The following FGD5 variants were observed in gnomAD, a reference collection of about 807,000 sequenced individuals.
FGD5 encodes the protein FYVE, RhoGEF and PH domain containing 5, also known as FYVE, RhoGEF and PH domain-containing protein 5.
A neutral mutation model predicts 133.4 loss-of-function variants in FGD5; 28 were observed. The observed-to-expected ratio is 0.21, with a 90% confidence interval of 0.16 to 0.29. The LOEUF (loss-of-function observed/expected upper bound fraction) is 0.29, where lower values mean the gene tolerates loss of function less well. Among genes scored for constraint, FGD5 ranks in the 10% least tolerant of loss-of-function variants. FGD5 has a pLI of 1.00. For missense variants in FGD5, 1,858 were observed against 1,895.2 expected (o/e 0.98, Z 0.36); for synonymous variants, 810 against 776.5 (o/e 1.04, Z -0.72).
intron 2 of FGD5, among the ~76,000 whole-genome samples, chr3:14,872,545 T>C (rs981245965): frequency 6.6e-6 from 1 of 152,202 alleles, no homozygotes; most frequent in Non-Finnish European, 1.5e-5. Flanking sequence ...TGGACAAGTT[T>C]ACATATTCAG....
At chr3:14,839,933 AAAAC>A (rs71038439) in intron 1 of FGD5, among the ~76,000 whole-genome samples, 89,260 of 149,438 alleles carry the variant, frequency 0.6, 27,012 homozygotes, top group African/African-American at 0.7. Context: ...ACTGTCTCAA[AAAAC>A]AAACAAACAA....
chr3:14,870,594 A>G (rs747614407), intron 2 of FGD5, among the ~76,000 whole-genome samples: 2 of 152,020 alleles, frequency 1.3e-5, no homozygotes, highest in Admixed American at 6.5e-5. Context: ...CTGCTGTCTT[A>G]GGCATTTCCC....
At chr3:14,863,722 G>A (rs1216399668) in intron 1 of FGD5, among the ~76,000 whole-genome samples, 1 of 152,208 alleles carries the variant, frequency 6.6e-6, no homozygotes, top group Non-Finnish European at 1.5e-5. Context: ...CCTGGATTCT[G>A]TCCACCACAT....
chr3:14,843,295 G>A (rs1317533293), intron 1 of FGD5, among the ~76,000 whole-genome samples: 1 of 152,192 alleles, frequency 6.6e-6, no homozygotes, highest in African/African-American at 2.4e-5. Flanking sequence ...AGCCCCCTGG[G>A]TCTCTGCAGC....
intron 7 of FGD5, 68 bp downstream of exon 7, chr3:14,898,894 A>C: frequency 7.1e-7 from 1 of 1,416,076 alleles, no homozygotes; most frequent in Non-Finnish European, 9.7e-7. Flanking sequence ...GGAGGGGTGG[A>C]GGGGACTGTG....
Position 14,917,343 on chromosome 3 carries a change from G to T in FGD5, c.3489+11G>T, listed in dbSNP as rs371208346. 3.7e-5 allele frequency: 60 copies of T among 1,610,494 alleles called. No individual in the cohort carries two copies. The African/African-American group carries it at 6.8e-4, about 18-fold the overall frequency. On this transcript the variant is annotated intron_variant, in intron 12 of 19. Transcript: ENST00000285046. This position sits in a 1 kb window ranked among gnomAD's most constrained non-coding sequence, Gnocchi z 4.1. ...GTGGCCAACATGAAGGTAAATATCT[G>T]GTGCCAGGTACCCCCGGGTTGGGGG...
intron 2 of FGD5, among the ~76,000 whole-genome samples, chr3:14,868,553 TTCTC>T (rs1287895007): frequency 6.6e-6 from 1 of 152,162 alleles, no homozygotes; most frequent in African/African-American, 2.4e-5. Context: ...ACCATGCACT[TTCTC>T]TGTGCTATGG....
rs374955183 is a variant in FGD5 at position 14,821,132 on chromosome 3, C to A, written c.2061C>A (p.His687Gln). ...GGTCCTCTTCAGAGTCCAGCTACCA[C>A]GGGCCTTCCAGGATTCTGGAAGTTG... ...SSRSSSESSY[H>Q]GPSRILEVDR... is the part of the protein sequence containing the mutation. The change falls in exon 1 of 20, where the codon CAC (histidine) becomes CAA (glutamine). Residue 687 changes from histidine (H) to glutamine (Q), a missense_variant. His to Gln is a conservative substitution (Grantham distance 24, BLOSUM62 0). This residue lies in a region of FGD5 where 1,824 missense variants were observed against 1,848.9 expected (regional missense o/e 0.99). Transcript: ENST00000285046. 1 of 1,614,014 alleles carries A rather than the reference C, an allele frequency of 6.2e-7. No individual in the cohort carries two copies. Among genetic ancestry groups the A allele is most frequent in the South Asian group, 1.1e-5 (1 of 91,082 alleles).
chr3:14,885,479 T>G (rs989949570), intron 4 of FGD5, among the ~76,000 whole-genome samples: 1 of 152,208 alleles, frequency 6.6e-6, no homozygotes, highest in Non-Finnish European at 1.5e-5. Flanking sequence ...GTTTGCTCTT[T>G]GATCATATAG....
In FGD5 at chr3:14,840,181, T is replaced by G. The variant is rs375596081; in HGVS notation, c.2525+18585T>G. 5.9e-5 allele frequency among the ~76,000 whole-genome samples: 9 copies of G among 151,774 alleles called. 1 individual carries two copies. The South Asian group carries it at 1.9e-3, about 32-fold the overall frequency. On this transcript the variant is annotated intron_variant, in intron 1 of 19. Coordinates refer to ENST00000285046, the MANE Select transcript of FGD5 (RefSeq NM_152536.4). ...TTTTTGAGATGGAATCTCGCTCTGT[T>G]GCCCAGGATACAGTGTGCAGTGGTG... is the stretch of plus-strand genomic sequence containing the variant.
intron 1 of FGD5, among the ~76,000 whole-genome samples, chr3:14,824,602 G>C (rs1321192796): frequency 6.6e-6 from 1 of 152,202 alleles, no homozygotes; most frequent in East Asian, 1.9e-4. Context: ...CTGGGCCGCA[G>C]TTTGCTCATC....
At position 14,820,210 on chromosome 3, in the gene FGD5, T is replaced by A. The variant is rs377351515; in HGVS notation, c.1139T>A (p.Leu380Gln). 6 of 1,611,156 alleles carry A rather than the reference T, an allele frequency of 3.7e-6. No homozygotes were observed. The highest frequency in any genetic ancestry group is 5.1e-6 in the Non-Finnish European group (6 of 1,178,148). Residue 380 changes from leucine (L) to glutamine (Q), a missense_variant, in exon 1 of 20, where the codon CTG becomes CAG. Coordinates refer to ENST00000285046, the MANE Select transcript of FGD5 (RefSeq NM_152536.4). ...KGLESEQAPK[L>Q]GLRAEENPMV... is the part of the protein sequence containing the mutation. ...TTAGAATCAGAGCAGGCACCAAAGCTGGGGCTGCGTGCGGAGGAGAACCCC... is the reference window on the plus strand; with the variant it reads ...TTAGAATCAGAGCAGGCACCAAAGCAGGGGCTGCGTGCGGAGGAGAACCCC...
rs551488805 is a variant in FGD5 at position 14,907,418 on chromosome 3, A to AG, written c.3265-220dup. ...CACAGGGATGCTGGACAGCACAGTGAGGCCAGGCAGCCGGCTCCACAGCAC... is the reference window on the plus strand; with the variant it reads ...CACAGGGATGCTGGACAGCACAGTGAGGGCCAGGCAGCCGGCTCCACAGCAC... On this transcript the variant is annotated intron_variant, in intron 9 of 19. Transcript: ENST00000285046. Among the ~76,000 whole-genome samples, 66 of 152,314 alleles carry AG rather than the reference A, an allele frequency of 4.3e-4. 2 individuals are homozygous for AG. The South Asian group carries it at 0.012, about 28-fold the overall frequency.
At chr3:14,897,245 G>A (rs574292826) in intron 4 of FGD5, 1 of 443,278 alleles carries the variant, frequency 2.3e-6, no homozygotes, top group South Asian at 3.4e-5. Flanking sequence ...AACGAGAGGA[G>A]AGTGAGTGTG....
chr3:14,908,020 T>G (rs535280253), intron 10 of FGD5, among the ~76,000 whole-genome samples: 80 of 152,252 alleles, frequency 5.3e-4, no homozygotes, highest in South Asian at 4.8e-3. Flanking sequence ...CAGTGCAGAG[T>G]TGCTGGGAAA....
At chr3:14,848,090 G>A (rs1310692991) in intron 1 of FGD5, among the ~76,000 whole-genome samples, 1 of 152,208 alleles carries the variant, frequency 6.6e-6, no homozygotes, top group African/African-American at 2.4e-5. Flanking sequence ...GGAAGTGTCG[G>A]TGTTTACAGG....
At chr3:14,924,816 A>C (rs545001732) in intron 17 of FGD5, among the ~76,000 whole-genome samples, 1 of 152,302 alleles carries the variant, frequency 6.6e-6, no homozygotes, top group East Asian at 1.9e-4. Flanking sequence ...GAAATCACAC[A>C]TACGGCCGGG....
At chr3:14,827,903 A>G (rs547707086) in intron 1 of FGD5, among the ~76,000 whole-genome samples, 1 of 152,334 alleles carries the variant, frequency 6.6e-6, no homozygotes, top group South Asian at 2.1e-4. Context: ...CATTGCAGAC[A>G]GAGCAGTTAA....
intron 2 of FGD5, among the ~76,000 whole-genome samples, chr3:14,879,932 G>GAA: frequency 6.6e-6 from 1 of 152,190 alleles, no homozygotes; most frequent in Non-Finnish European, 1.5e-5. Context: ...GCTCAAGATT[G>GAA]GTGGGGTCAT....
Sources: allele counts gnomAD v4.1 joint callset (sites outside exome capture counted in the v4.1 genomes callset), GRCh38; gene constraint gnomAD v4.1.1; regional missense constraint gnomAD v4.1.1; non-coding constraint Gnocchi (gnomAD v3.1); transcripts MANE v1.5; gene names NCBI Gene and HGNC (gene_info 2026-07-23, HGNC 2026-07-21).